Variants in MZT2B observed in about 807,000 individuals in gnomAD.
The protein encoded by MZT2B is mitotic spindle organizing protein 2B.
In MZT2B, 11 loss-of-function variants were observed where a neutral mutation model predicts 12.1. The observed-to-expected ratio is 0.91, with a 90% CI of 0.57 to 1.50. MZT2B has a LOEUF of 1.50. Ranked by LOEUF, MZT2B falls within the 40% of genes most tolerant of loss-of-function variation. The pLI is 0.00. For synonymous variants in MZT2B, 85 were observed against 109.5 expected, an observed-to-expected ratio of 0.78 and a Z score of 1.40; for missense variants, 209 against 227.7, an observed-to-expected ratio of 0.92 and a Z score of 0.53.
upstream of MZT2B, chr2:130,182,244 C>A: frequency 8.1e-7 from 1 of 1,235,616 alleles, no homozygotes; most frequent in Non-Finnish European, 1.0e-6. Flanking sequence ...CGCTAGGGGG[C>A]GCGGCGGGGC....
At chr2:130,182,044 GCGGACCCCTGCGGT>G (rs1689700622), upstream of MZT2B, 1 of 1,348,032 alleles carries the variant, frequency 7.4e-7, no homozygotes, top group Non-Finnish European at 9.6e-7. Flanking sequence ...TCGCCAAGCA[GCGGACCCCTGCGGT>G]CCGCCATGCC....
chr2:130,190,487 C>A lies in MZT2B; in HGVS notation c.338C>A (p.Ala113Asp). 6.2e-7 allele frequency: 1 copy of A among 1,613,646 alleles called. No individual in the cohort carries two copies. The highest frequency in any genetic ancestry group is 2.2e-5 in the East Asian group (1 of 44,856). Reference protein sequence around the residue: ...PETRGRNKGSAALGGALALAE... With the variant: ...PETRGRNKGSDALGGALALAE... The stretch of plus-strand genomic sequence containing the variant: ...TCCTCAGGGAGAAACAAAGGCAGCG[C>A]TGCCCTCGGGGGAGCATTGGCCCTG... The change falls in exon 3 of 3, where the codon GCT becomes GAT. Residue 113 changes from alanine (A) to aspartate (D), a missense_variant. Transcript: ENST00000281871.
At chr2:130,185,575 G>A (rs1350127664) in intron 2 of MZT2B, among the ~76,000 whole-genome samples, 2 of 109,378 alleles carry the variant, frequency 1.8e-5, no homozygotes, top group Non-Finnish European at 3.7e-5. Flanking sequence ...GGTAACAAGG[G>A]TTACAGCAGG....
intron 2 of MZT2B, chr2:130,184,035 A>G (rs779938336): frequency 6.2e-5 from 96 of 1,550,178 alleles, no homozygotes; most frequent in Admixed American, 9.8e-5. Context: ...GCCTGGCCCC[A>G]GGAGGCCCAA....
the MZT2B span, among the ~76,000 whole-genome samples, chr2:130,195,842 A>G: frequency 1.8e-3 from 280 of 152,372 alleles, 2 homozygotes; most frequent in Non-Finnish European, 2.6e-3. Flanking sequence ...GAGGGAACCA[A>G]TGCCACTGCA....
chr2:130,186,382 A>AG (rs377544429), intron 2 of MZT2B, among the ~76,000 whole-genome samples: 1 of 152,302 alleles, frequency 6.6e-6, no homozygotes, highest in African/African-American at 2.4e-5. Flanking sequence ...AGAAGCACAG[A>AG]GGGGCAATGC....
At chr2:130,202,140 G>T in the MZT2B span, among the ~76,000 whole-genome samples, 1 of 152,100 alleles carries the variant, frequency 6.6e-6, no homozygotes, top group Admixed American at 6.6e-5. Flanking sequence ...TAATTGACTT[G>T]CAGTAAACAG....
At chr2:130,192,621 C>T (rs1472832236), downstream of MZT2B, among the ~76,000 whole-genome samples, 3 of 152,196 alleles carry the variant, frequency 2.0e-5, no homozygotes, top group Non-Finnish European at 2.9e-5. Context: ...AATGCTGCTA[C>T]CACAGCAGCA....
intron 2 of MZT2B, among the ~76,000 whole-genome samples, chr2:130,186,298 C>A (rs1690061963): frequency 6.6e-6 from 1 of 152,134 alleles, no homozygotes; most frequent in African/African-American, 2.4e-5. Flanking sequence ...GTCCCCCAGC[C>A]ATCCAGACAG....
intron 2 of MZT2B, among the ~76,000 whole-genome samples, chr2:130,187,151 A>ATTAG (rs112510140): frequency 0.042 from 2,453 of 58,630 alleles, 54 homozygotes; most frequent in African/African-American, 0.12. Context: ...GATATTTTAG[A>ATTAG]TTAAAGTATT....
Position 130,182,275 on chromosome 2 carries a change from C to A in MZT2B, c.-8C>A. On this transcript the variant is annotated 5_prime_UTR_variant, in exon 1 of 3. Coordinates refer to ENST00000281871, the MANE Select transcript of MZT2B (RefSeq NM_025029.5). Reference sequence around the variant, plus strand: ...GGGGCGGAGCGCACCTTTCCGCGGGCCGCGGGGATGGCGGCGCAGGGCGTA... The same window carrying A: ...GGGGCGGAGCGCACCTTTCCGCGGGACGCGGGGATGGCGGCGCAGGGCGTA... 1 of 1,310,538 alleles carries A rather than the reference C, an allele frequency of 7.6e-7. No individual in the cohort carries two copies. The highest frequency in any genetic ancestry group is 9.6e-7 in the Non-Finnish European group (1 of 1,038,978). The allele number at this position is 1,310,538 out of a possible 1,614,324, so 81.2% of individuals were successfully genotyped here. A position where few individuals can be genotyped will look rare whatever the true frequency, so the allele number is the denominator to read the frequency against.
At chr2:130,188,219 T>C in intron 2 of MZT2B, 1 of 155,502 alleles carries the variant, frequency 6.4e-6, no homozygotes. Flanking sequence ...GTCTGCGGCC[T>C]GCCATGCTGC....
chr2:130,202,337 A>G, the MZT2B span: 1 of 1,290,142 alleles, frequency 7.8e-7, no homozygotes, highest in African/African-American at 1.5e-5. Context: ...TTGAGTGACA[A>G]CTTGAGGACA....
intron 2 of MZT2B, among the ~76,000 whole-genome samples, chr2:130,188,465 G>A (rs1690142466): frequency 6.6e-6 from 1 of 152,228 alleles, no homozygotes; most frequent in Admixed American, 6.5e-5. Flanking sequence ...TACCACAAGA[G>A]ATGCGTGGTG....
At chr2:130,196,910 C>T in the MZT2B span, among the ~76,000 whole-genome samples, 79 of 152,184 alleles carry the variant, frequency 5.2e-4, 2 homozygotes, top group Admixed American at 1.3e-4. Context: ...CCTTCCTCGC[C>T]CTCTGGCTTC....
intron 2 of MZT2B, among the ~76,000 whole-genome samples, chr2:130,189,198 C>T (rs540144896): frequency 1.3e-5 from 2 of 152,222 alleles, no homozygotes; most frequent in South Asian, 4.1e-4. Context: ...GAGGGACAGC[C>T]AGGAAAGAGG....
upstream of MZT2B, chr2:130,182,234 C>A (rs1292945116): frequency 1.6e-6 from 2 of 1,231,464 alleles, no homozygotes; most frequent in East Asian, 3.5e-5. Context: ...TGGGCGCAGC[C>A]GCTAGGGGGC....
At chr2:130,184,609 T>G in intron 2 of MZT2B, 1 of 985,256 alleles carries the variant, frequency 1.0e-6, no homozygotes, top group South Asian at 4.7e-5. Context: ...CACCCAGAGC[T>G]CGGACCCAAG....
In MZT2B at chr2:130,182,854, C is replaced by T. The variant is rs548110623; in HGVS notation, c.319+79C>T. The T allele has an allele frequency of 5.5e-4, 802 of 1,447,792 alleles. 1 individual carries two copies. The African/African-American group carries it at 9.2e-3, about 17-fold the overall frequency. 89.7% of individuals were successfully genotyped at this position (1,447,792 alleles called of 1,614,324 possible). On this transcript the variant is annotated intron_variant, in intron 2 of 2. Coordinates refer to ENST00000281871, the MANE Select transcript of MZT2B (RefSeq NM_025029.5). ...GGGGGCAGGCGCGGCACAGCGGCGG[C>T]GTGGCCCTGAGTGGCCAGGCCTGTC...
Sources: gnomAD v4.1 joint callset for allele counts (sites outside exome capture counted in the v4.1 genomes callset) on GRCh38, gnomAD v4.1.1 for gene constraint, MANE v1.5 for transcripts, NCBI Gene and HGNC (gene_info 2026-07-23, HGNC 2026-07-21) for gene names.